The following C5orf15 variants were observed in gnomAD, a reference collection of about 807,000 sequenced individuals.
C5orf15 encodes the protein keratinocyte-associated transmembrane protein 2.
A neutral mutation model predicts 17.8 loss-of-function variants in C5orf15; 10 were observed. The ratio of observed to expected loss-of-function variants is 0.56; its 90% confidence interval spans 0.35 to 0.95. C5orf15 has a LOEUF of 0.95. Among genes scored for constraint, C5orf15 ranks in the 40% least tolerant of loss-of-function variants. The pLI is 0.02. For missense variants in C5orf15, 319 were observed against 331.7 expected (o/e 0.96, Z 0.30); for synonymous variants, 124 against 131.0 (o/e 0.95, Z 0.36).
At chr5:133,968,248 CCCCTTGGAGA>C (rs1190240253) in intron 1 of C5orf15, among the ~76,000 whole-genome samples, 188 bp downstream of exon 1, 1 of 152,064 alleles carries the variant, frequency 6.6e-6, no homozygotes, top group Non-Finnish European at 1.5e-5. Flanking sequence ...GCTTCTCAGG[CCCCTTGGAGA>C]CCCTACCACC....
chr5:133,957,419 A>T (rs1044038494), intron 2 of C5orf15, among the ~76,000 whole-genome samples: 1 of 152,150 alleles, frequency 6.6e-6, no homozygotes, highest in African/African-American at 2.4e-5. Flanking sequence ...AAGGCTAAAC[A>T]GTGCTTCTCA....
chr5:133,958,595 A>C (rs1422174096), intron 2 of C5orf15, among the ~76,000 whole-genome samples: 2 of 147,916 alleles, frequency 1.4e-5, no homozygotes, highest in East Asian at 1.9e-4. Flanking sequence ...AAAAAAAAAA[A>C]AAAAAAAAAC....
At chr5:133,964,800 C>A (rs1030924390) in intron 1 of C5orf15, among the ~76,000 whole-genome samples, 9 of 152,130 alleles carry the variant, frequency 5.9e-5, no homozygotes, top group African/African-American at 2.2e-4. Context: ...CTGACATATG[C>A]AGCATTTGAG....
intron 1 of C5orf15, among the ~76,000 whole-genome samples, chr5:133,967,765 G>C (rs1169939876): frequency 6.6e-6 from 1 of 152,058 alleles, no homozygotes; most frequent in Non-Finnish European, 1.5e-5. Context: ...GGGGCCCAAC[G>C]CCCCAGTACT....
chr5:133,956,738 C>A lies in C5orf15; in HGVS notation c.*121G>T. ...TTGTGACATTTAATTTCCAAAGCACCAAGGCAAAAGAGAGACTCACCTCTC... is the reference window on the plus strand; with the variant it reads ...TTGTGACATTTAATTTCCAAAGCACAAAGGCAAAAGAGAGACTCACCTCTC... On this transcript the variant is annotated 3_prime_UTR_variant, in exon 3 of 3. Transcript: ENST00000231512. The A allele has an allele frequency of 1.0e-6, 1 of 986,740 alleles. No individual in the cohort carries two copies. Among genetic ancestry groups the A allele is most frequent in the Non-Finnish European group, 1.4e-6 (1 of 709,528 alleles). The allele number at this position is 986,740 out of a possible 1,614,324, so 61.1% of individuals were successfully genotyped here. A position where few individuals can be genotyped will look rare whatever the true frequency, so the allele number is the denominator to read the frequency against.
At chr5:133,958,076 G>A (rs1752062503) in intron 2 of C5orf15, among the ~76,000 whole-genome samples, 1 of 151,736 alleles carries the variant, frequency 6.6e-6, no homozygotes, top group African/African-American at 2.4e-5. Context: ...ACCAAAAATT[G>A]TAAACCATGA....
chr5:133,959,657 G>C lies in C5orf15; in HGVS notation c.503C>G (p.Thr168Ser), dbSNP rs1326668380. 2 of 1,613,354 alleles carry C rather than the reference G, an allele frequency of 1.2e-6. No individual in the cohort carries two copies. Among genetic ancestry groups the C allele is most frequent in the Non-Finnish European group, 1.7e-6 (2 of 1,179,858 alleles). The change falls in exon 2 of 3, where the codon ACC (threonine) becomes AGC (serine). Residue 168 changes from threonine (T) to serine (S), a missense_variant. Thr to Ser is a moderately conservative substitution (Grantham distance 58, BLOSUM62 1). Transcript: ENST00000231512. The stretch of plus-strand genomic sequence containing the variant: ...CATGTAACCCCTGTTTTCTTCCAAG[G>C]TGTCATCAGACTCGTCGTCGTCCCT... The part of the protein sequence containing the change: ...GPRDDDESDD[T>S]LEENRGYMEI...
At chr5:133,965,089 A>C (rs890604904) in intron 1 of C5orf15, among the ~76,000 whole-genome samples, 1 of 152,140 alleles carries the variant, frequency 6.6e-6, no homozygotes, top group African/African-American at 2.4e-5. Context: ...TCATTATCTT[A>C]CTAATCTCCC....
chr5:133,961,117 AT>A, intron 1 of C5orf15, among the ~76,000 whole-genome samples: 1 of 151,864 alleles, frequency 6.6e-6, no homozygotes, highest in East Asian at 1.9e-4. Flanking sequence ...CTTCATGTGA[AT>A]ACACTCTGGT....
At chr5:133,968,391 C>G in intron 1 of C5orf15, 55 bp downstream of exon 1, 1 of 1,575,418 alleles carries the variant, frequency 6.3e-7, no homozygotes, top group South Asian at 1.2e-5. Flanking sequence ...CTGTCTCCTG[C>G]CCTGCGCCCG....
rs768575936 is a variant in C5orf15, at chr5:133,959,890, G to T, written c.270C>A (p.Pro90=). 6.2e-7 allele frequency: 1 copy of T among 1,614,036 alleles called. No homozygotes were observed. Among genetic ancestry groups the T allele is most frequent in the South Asian group, 1.1e-5 (1 of 91,054 alleles). The part of the protein sequence containing the change: ...SISQISTTLP[P]TTSTKKSGGA... ...CTCCACTTTTCTTGGTACTCGTCGT[G>T]GGAGGGAGGGTGGTGCTGATTTGGG... is the stretch of plus-strand genomic sequence containing the variant. The change falls in exon 2 of 3, where the codon CCC becomes CCA. Residue 90 remains proline, a synonymous_variant. Transcript: ENST00000231512.
intron 1 of C5orf15, among the ~76,000 whole-genome samples, chr5:133,961,563 AC>A (rs151192643): frequency 6.7e-6 from 1 of 149,402 alleles, no homozygotes; most frequent in African/African-American, 2.5e-5. Context: ...AAAAAAAAAA[AC>A]CAATAAATTA....
At chr5:133,967,709 A>G (rs1229895206) in intron 1 of C5orf15, among the ~76,000 whole-genome samples, 1 of 152,210 alleles carries the variant, frequency 6.6e-6, no homozygotes, top group Non-Finnish European at 1.5e-5. Flanking sequence ...AAGAGGAATC[A>G]TGATCTCCCT....
chr5:133,959,896 G>C lies in C5orf15; in HGVS notation c.264C>G (p.Leu88=), dbSNP rs771964043. ...TTTTCTTGGTACTCGTCGTGGGAGG[G>C]AGGGTGGTGCTGATTTGGGAAATAG... ...KPSISQISTT[L]PPTTSTKKSG... The change falls in exon 2 of 3, where the codon CTC becomes CTG. Residue 88 remains leucine, a synonymous_variant. Coordinates refer to ENST00000231512, the MANE Select transcript of C5orf15 (RefSeq NM_020199.3). The C allele has an allele frequency of 6.2e-6, 10 of 1,613,972 alleles. No homozygotes were observed. The highest frequency in any genetic ancestry group is 3.3e-4 in the Middle Eastern group (2 of 6,084).
intron 1 of C5orf15, among the ~76,000 whole-genome samples, chr5:133,964,482 C>G (rs986920033): frequency 2.0e-5 from 3 of 152,002 alleles, no homozygotes; most frequent in Non-Finnish European, 4.4e-5. Flanking sequence ...GGTAATGCCC[C>G]GTATTTTGAC....
rs1173160332 is a variant in C5orf15 at position 133,961,693 on chromosome 5, C to G, written c.140-1673G>C. ...CTCGACCTCCTGGTTTCAAGCCCCCCATGTAGCTGGGACCACAGGCACATG... is the reference window on the plus strand; with the variant it reads ...CTCGACCTCCTGGTTTCAAGCCCCCGATGTAGCTGGGACCACAGGCACATG... On this transcript the variant is annotated intron_variant, in intron 1 of 2. Coordinates refer to ENST00000231512, the MANE Select transcript of C5orf15 (RefSeq NM_020199.3). Among the ~76,000 whole-genome samples the G allele has an allele frequency of 5.3e-5, 8 of 151,802 alleles. 1 individual carries two copies. Among genetic ancestry groups the G allele is most frequent in the Admixed American group, 4.6e-4 (7 of 15,250 alleles).
intron 1 of C5orf15, among the ~76,000 whole-genome samples, chr5:133,961,349 T>A (rs1166977036): frequency 7.1e-6 from 1 of 140,814 alleles, no homozygotes; most frequent in African/African-American, 2.6e-5. Flanking sequence ...CTCGAGACCA[T>A]CCTGGCTAAC....
chr5:133,959,441 ATC>A, intron 2 of C5orf15, 51 bp downstream of exon 2: 9 of 978,988 alleles, frequency 9.2e-6, no homozygotes, highest in Non-Finnish European at 1.3e-5. Context: ...ACCATGAATC[ATC>A]AAAAGCATTA....
In C5orf15 at chr5:133,958,214, CA is replaced by C. The variant is rs371445283; in HGVS notation, c.667-1225del. ...TGGACAACATAGCAAGATCCTGTCT[CA>C]AAAAAAAATAATGTTTTTAAAGAAT... On this transcript the variant is annotated intron_variant, in intron 2 of 2. Coordinates refer to ENST00000231512, the MANE Select transcript of C5orf15 (RefSeq NM_020199.3). Among the ~76,000 whole-genome samples the C allele has an allele frequency of 8.1e-5, 12 of 148,156 alleles. No individual in the cohort carries two copies. In the East Asian group the frequency reaches 9.8e-4, roughly 12 times the overall value.
Sources: gnomAD v4.1 joint callset for allele counts (sites outside exome capture counted in the v4.1 genomes callset) on GRCh38, gnomAD v4.1.1 for gene constraint, MANE v1.5 for transcripts, NCBI Gene and HGNC (gene_info 2026-07-23, HGNC 2026-07-21) for gene names.